Variants in PCDHA2 observed in about 807,000 individuals in gnomAD.
The protein encoded by PCDHA2 is protocadherin alpha-2.
PCDHA2 carries 58 observed loss-of-function variants against 66.0 expected under a neutral mutation model. The observed-to-expected ratio is 0.88, with a 90% confidence interval of 0.71 to 1.09. The LOEUF (loss-of-function observed/expected upper bound fraction) is 1.09, where lower values mean the gene tolerates loss of function less well. PCDHA2 is among the 50% of genes least tolerant of loss of function. PCDHA2 has a pLI of 0.00. For synonymous variants in PCDHA2, 634 were observed against 554.0 expected, an observed-to-expected ratio of 1.14 and a Z score of -2.03; for missense variants, 1,267 against 1,242.3, an observed-to-expected ratio of 1.02 and a Z score of -0.30.
intron 1 of PCDHA2, chr5:140,843,207 G>A (rs1778678462): frequency 1.3e-6 from 2 of 1,595,886 alleles, no homozygotes; most frequent in Admixed American, 1.7e-5. Flanking sequence ...CTGTACACGG[G>A]CGAGATCAGC....
In PCDHA2 at chr5:140,862,738, T is replaced by C. The variant is rs189052602; in HGVS notation, c.2388+65386T>C. 560 of 577,110 alleles carry C rather than the reference T, an allele frequency of 9.7e-4. 3 individuals are homozygous for C. The highest frequency in any genetic ancestry group is 1.5e-3 in the Non-Finnish European group (445 of 297,984). 35.7% of individuals were successfully genotyped at this position (577,110 alleles called of 1,614,324 possible). ...CGAGTGCGCGCTGTCTAGCTATGTG[T>C]GGGTGCACGCGGAGAGCGGCAAGAG... On this transcript the variant is annotated intron_variant, in intron 1 of 3. Coordinates refer to ENST00000526136, the MANE Select transcript of PCDHA2 (RefSeq NM_018905.3).
At chr5:140,883,655 T>A (rs782178754) in intron 1 of PCDHA2, 7 of 1,613,000 alleles carry the variant, frequency 4.3e-6, no homozygotes, top group African/African-American at 1.3e-5. Context: ...GTACACGGTG[T>A]TCGTGAAGGA....
At chr5:140,800,956 G>A in intron 1 of PCDHA2, 1 of 1,151,492 alleles carries the variant, frequency 8.7e-7, no homozygotes. Context: ...CGACATACAA[G>A]GAAAAGAAGA....
At chr5:140,856,510 A>G (rs1193359159) in intron 1 of PCDHA2, 2 of 1,598,532 alleles carry the variant, frequency 1.3e-6, no homozygotes, top group Non-Finnish European at 1.7e-6. Context: ...TTCCACTAGA[A>G]GGCGCATCTG....
At chr5:140,809,384 G>C in intron 1 of PCDHA2, 1 of 1,614,062 alleles carries the variant, frequency 6.2e-7, no homozygotes, top group East Asian at 2.2e-5. Context: ...GGGCGCGTGC[G>C]CTCCGGGCAA....
chr5:140,971,973 A>G (rs1554233757), intron 1 of PCDHA2, among the ~76,000 whole-genome samples: 1 of 152,218 alleles, frequency 6.6e-6, no homozygotes, highest in South Asian at 2.1e-4. Flanking sequence ...TTTCAATACT[A>G]TGAGTAGACA....
At chr5:140,951,487 G>A (rs1563250651) in intron 1 of PCDHA2, among the ~76,000 whole-genome samples, 1 of 151,938 alleles carries the variant, frequency 6.6e-6, no homozygotes, top group Non-Finnish European at 1.5e-5. Flanking sequence ...CAAGAATCAT[G>A]GTGGAAGGCA....
intron 1 of PCDHA2, among the ~76,000 whole-genome samples, chr5:140,909,245 G>T (rs189143592): frequency 2.6e-5 from 4 of 152,288 alleles, no homozygotes; most frequent in African/African-American, 7.2e-5. Flanking sequence ...AAGATATATT[G>T]CTGGCCTTGC....
chr5:140,992,017 C>CTG (rs10602499), intron 3 of PCDHA2, among the ~76,000 whole-genome samples: 19,643 of 145,468 alleles, frequency 0.14, 1,328 homozygotes, highest in East Asian at 0.18. Flanking sequence ...AGAGGTGGCT[C>CTG]TGTGTGTGTG....
At chr5:140,823,094 T>C (rs2150122248) in intron 1 of PCDHA2, 2 of 1,614,032 alleles carry the variant, frequency 1.2e-6, no homozygotes, top group Non-Finnish European at 1.7e-6. Flanking sequence ...ACCGCCAGCG[T>C]GTCTGTGGAA....
intron 1 of PCDHA2, among the ~76,000 whole-genome samples, chr5:140,899,340 C>T (rs1199833845): frequency 6.6e-6 from 1 of 152,062 alleles, no homozygotes; most frequent in Non-Finnish European, 1.5e-5. Flanking sequence ...TCATAGATAG[C>T]TCTTATTATT....
intron 1 of PCDHA2, chr5:140,927,458 AAG>A: frequency 6.2e-7 from 1 of 1,614,124 alleles, no homozygotes; most frequent in Non-Finnish European, 8.5e-7. Context: ...GTGTTGGAGA[AAG>A]CACTGGATCG....
At chr5:140,884,122 G>T (rs1212118784) in intron 1 of PCDHA2, 1 of 1,613,188 alleles carries the variant, frequency 6.2e-7, no homozygotes, top group Non-Finnish European at 8.5e-7. Context: ...CGGTCGGCGC[G>T]CGCATCCCGT....
chr5:140,871,143 G>C (rs2052747767), intron 1 of PCDHA2: 1 of 1,613,356 alleles, frequency 6.2e-7, no homozygotes, highest in South Asian at 1.1e-5. Context: ...CCTCTTCCCG[G>C]ACTTTGGCGG....
intron 1 of PCDHA2, chr5:140,836,157 G>A (rs2150254365): frequency 1.2e-6 from 2 of 1,613,822 alleles, no homozygotes; most frequent in Admixed American, 1.7e-5. Flanking sequence ...CCATGTGGTG[G>A]CGAAGGTACG....
chr5:140,884,239 C>T, intron 1 of PCDHA2: 1 of 1,613,424 alleles, frequency 6.2e-7, no homozygotes, highest in Non-Finnish European at 8.5e-7. Context: ...ACGGTGAGCC[C>T]GCGCTGACGG....
In PCDHA2 at chr5:140,839,562, G is replaced by A. The variant is rs150033615; in HGVS notation, c.2388+42210G>A. 3.5e-3 allele frequency among the ~76,000 whole-genome samples: 533 copies of A among 151,978 alleles called. 7 individuals carry two copies. The highest frequency in any genetic ancestry group is 0.012 in the African/African-American group (497 of 41,442). ...ACACCACCATGCCCAACTAATTTTT[G>A]TATTTTTTGTAGAGATGGGGTCTTA... On this transcript the variant is annotated intron_variant, in intron 1 of 3. Coordinates refer to ENST00000526136, the MANE Select transcript of PCDHA2 (RefSeq NM_018905.3).
intron 1 of PCDHA2, chr5:140,848,514 G>A (rs1356493144): frequency 6.3e-7 from 1 of 1,590,674 alleles, no homozygotes; most frequent in Non-Finnish European, 8.6e-7. Context: ...CTCAAGTCGA[G>A]GAGATCCAGA....
intron 3 of PCDHA2, among the ~76,000 whole-genome samples, chr5:140,987,622 TAGATG>T (rs1554249376): frequency 2.6e-5 from 4 of 152,328 alleles, no homozygotes; most frequent in African/African-American, 9.6e-5. Flanking sequence ...TTGGAAGAAT[TAGATG>T]AGATAATGCA....
Sources: gnomAD v4.1 joint callset for allele counts (sites outside exome capture counted in the v4.1 genomes callset) on GRCh38, gnomAD v4.1.1 for gene constraint, MANE v1.5 for transcripts, NCBI Gene and HGNC (gene_info 2026-07-23, HGNC 2026-07-21) for gene names.